TBCD: variants seen among roughly 807,000 people sequenced by gnomAD.
TBCD encodes the protein tubulin-specific chaperone D.
Under a neutral mutation model 169.3 loss-of-function variants are expected in TBCD, and 105 were observed. The ratio of observed to expected loss-of-function variants is 0.62; its 90% CI spans 0.53 to 0.73. The LOEUF (loss-of-function observed/expected upper bound fraction) is 0.73, where lower values mean the gene tolerates loss of function less well. TBCD is among the 30% of genes least tolerant of loss of function. The probability of loss-of-function intolerance (pLI) is 0.00; values close to 1 mark genes in which losing one functional copy is unlikely to be tolerated. For missense variants in TBCD, 1,444 were observed against 1,600.1 expected (o/e 0.90, Z 1.66); for synonymous variants, 700 against 643.9 (o/e 1.09, Z -1.32).
chr17:82,768,083 C>T (rs2048113005), intron 4 of TBCD, among the ~76,000 whole-genome samples: 1 of 152,030 alleles, frequency 6.6e-6, no homozygotes. Context: ...TACTTTTTAT[C>T]TGTTTTTCAC....
chr17:82,801,482 T>TGTC (rs2050518463), intron 9 of TBCD, among the ~76,000 whole-genome samples: 5 of 113,074 alleles, frequency 4.4e-5, no homozygotes, highest in South Asian at 3.3e-4. Context: ...GCGGCGTGTG[T>TGTC]GTCGTGTGGC....
intron 7 of TBCD, among the ~76,000 whole-genome samples, chr17:82,786,339 C>G (rs925032296): frequency 3.9e-5 from 6 of 152,212 alleles, no homozygotes; most frequent in Non-Finnish European, 8.8e-5. Context: ...CAGGATGTGA[C>G]CAGAGCTGGT....
At chr17:82,917,615 G>A (rs1279409400) in intron 23 of TBCD, among the ~76,000 whole-genome samples, 2 of 152,240 alleles carry the variant, frequency 1.3e-5, no homozygotes, top group African/African-American at 4.8e-5. Flanking sequence ...GTTGGCTCTT[G>A]ACGGGAGGCG....
chr17:82,908,438 G>A, intron 21 of TBCD: 1 of 455,778 alleles, frequency 2.2e-6, no homozygotes, highest in South Asian at 1.6e-5. Flanking sequence ...TGACCCAGAG[G>A]TAAAGTATGA....
chr17:82,859,693 G>C, intron 13 of TBCD: 1 of 985,466 alleles, frequency 1.0e-6, no homozygotes, highest in Non-Finnish European at 1.2e-6. Context: ...TGGAGGCCAG[G>C]GCTTGCCCGC....
rs560277214 is a variant in TBCD at position 82,866,486 on chromosome 17, G to A, written c.1319-3738G>A. ...AGCTTCTAGGACTCCCGGGGATGCC[G>A]TCAGCAGCCAGGCCTTGGCAGCTGC... On this transcript the variant is annotated intron_variant, in intron 13 of 38. Coordinates refer to ENST00000355528, the MANE Select transcript of TBCD (RefSeq NM_005993.5). Among the ~76,000 whole-genome samples the A allele has an allele frequency of 1.1e-4, 17 of 152,370 alleles. 1 individual carries two copies. In the South Asian group the frequency reaches 1.2e-3, roughly 11 times the overall value.
chr17:82,889,528 C>G lies in TBCD; in HGVS notation c.1534-140C>G. 1 of 945,636 alleles carries G rather than the reference C, an allele frequency of 1.1e-6. No individual in the cohort carries two copies. Among genetic ancestry groups the G allele is most frequent in the Non-Finnish European group, 1.6e-6 (1 of 613,308 alleles). 58.6% of individuals were successfully genotyped at this position (945,636 alleles called of 1,614,324 possible). On this transcript the variant is annotated intron_variant, in intron 15 of 38. Coordinates refer to ENST00000355528, the MANE Select transcript of TBCD (RefSeq NM_005993.5). The surrounding 1 kb of genome is among the most constrained non-coding windows in gnomAD (Gnocchi z 5.3). ...AAACAGAGTGACGCACCTTGAGGCT[C>G]TGTTCAGCCAACAATGAGGGCTTTT... is the stretch of plus-strand genomic sequence containing the variant.
chr17:82,777,145 CTTA>C (rs936268453), intron 6 of TBCD, among the ~76,000 whole-genome samples: 7 of 152,052 alleles, frequency 4.6e-5, no homozygotes, highest in African/African-American at 1.4e-4. Flanking sequence ...AGCCTGCAGT[CTTA>C]TTAAGAGATT....
chr17:82,921,673 T>C, intron 25 of TBCD, 96 bp downstream of exon 25: 1 of 1,149,604 alleles, frequency 8.7e-7, no homozygotes, highest in Non-Finnish European at 1.3e-6. Flanking sequence ...ATCATGAGGC[T>C]GTCCCTGCAG....
intron 13 of TBCD, among the ~76,000 whole-genome samples, chr17:82,815,879 G>A (rs1200064780): frequency 6.6e-6 from 1 of 152,012 alleles, no homozygotes; most frequent in Non-Finnish European, 1.5e-5. Flanking sequence ...TTTTTTTCCA[G>A]ACTTCTTTAA....
At chr17:82,827,997 G>GCACA (rs944991552) in intron 13 of TBCD, among the ~76,000 whole-genome samples, 1 of 143,638 alleles carries the variant, frequency 7.0e-6, no homozygotes, top group Non-Finnish European at 1.5e-5. Context: ...CCAATCGAAC[G>GCACA]CACACACACC....
chr17:82,870,290 A>G lies in TBCD; in HGVS notation c.1385A>G (p.Asn462Ser), dbSNP rs376947064. 1.4e-5 allele frequency: 22 copies of G among 1,613,570 alleles called. No homozygotes were observed. The African/African-American group carries it at 1.6e-4, about 12-fold the overall frequency. Residue 462 changes from asparagine to serine, a missense_variant, in exon 14 of 39, where the codon AAC (asparagine) becomes AGC (serine). Coordinates refer to ENST00000355528, the MANE Select transcript of TBCD (RefSeq NM_005993.5). ...EKRGACSVGT[N>S]VRDAACYVCW... The stretch of plus-strand genomic sequence containing the variant: ...CGGGGTGCCTGCAGCGTGGGCACCA[A>G]CGTCAGGGACGCCGCCTGCTACGTG...
At position 82,898,895 on chromosome 17, in the gene TBCD, A is replaced by G. The variant is rs571839907; in HGVS notation, c.1650-1756A>G. Among the ~76,000 whole-genome samples the G allele has an allele frequency of 2.8e-4, 32 of 115,280 alleles. No individual in the cohort carries two copies. In the East Asian group the frequency reaches 8.4e-3, roughly 30 times the overall value. 75.6% of individuals were successfully genotyped at this position (115,280 alleles called of 152,430 possible). ...AGTGGACGGTTGTGGAGGGGCTGAC[A>G]GTGTGTCCACCTGCGTCACCTGCAT... On this transcript the variant is annotated intron_variant, in intron 17 of 38. Coordinates refer to ENST00000355528, the MANE Select transcript of TBCD (RefSeq NM_005993.5).
At chr17:82,937,162 T>TAA (rs1265849066) in intron 34 of TBCD, 109 bp from the exon 35 acceptor site, 8 of 974,950 alleles carry the variant, frequency 8.2e-6, no homozygotes, top group Non-Finnish European at 1.3e-5. Flanking sequence ...GCAGGCTTCT[T>TAA]GGACTGAGCC....
chr17:82,908,145 G>C (rs951491115), intron 21 of TBCD: 4 of 397,738 alleles, frequency 1.0e-5, no homozygotes, highest in African/African-American at 8.3e-5. Flanking sequence ...TGGAGGTTTC[G>C]GCTGCAGCTG....
intron 13 of TBCD, among the ~76,000 whole-genome samples, chr17:82,869,712 C>T (rs2057423882): frequency 6.6e-6 from 1 of 152,206 alleles, no homozygotes; most frequent in South Asian, 2.1e-4. Flanking sequence ...GCATTTTCAT[C>T]CTGGTTCACC....
At chr17:82,842,551 C>T (rs2054610223) in intron 13 of TBCD, among the ~76,000 whole-genome samples, 1 of 152,140 alleles carries the variant, frequency 6.6e-6, no homozygotes, top group Admixed American at 6.5e-5. Context: ...GCCTGCTGCT[C>T]GGATCCCATG....
chr17:82,753,158 T>C (rs781432665), intron 1 of TBCD, among the ~76,000 whole-genome samples: 3 of 152,184 alleles, frequency 2.0e-5, no homozygotes, highest in Non-Finnish European at 4.4e-5. Flanking sequence ...AGAAGAACTT[T>C]TGCATTATTT....
chr17:82,801,266 A>G (rs868705242), intron 9 of TBCD, among the ~76,000 whole-genome samples: 4 of 152,184 alleles, frequency 2.6e-5, no homozygotes, highest in South Asian at 2.1e-4. Flanking sequence ...TTTTGTGTCC[A>G]GTGGTGATGG....
Sources: gnomAD v4.1 joint callset for allele counts (sites outside exome capture counted in the v4.1 genomes callset) on GRCh38, gnomAD v4.1.1 for gene constraint, Gnocchi (gnomAD v3.1) non-coding constraint, MANE v1.5 for transcripts, NCBI Gene and HGNC (gene_info 2026-07-23, HGNC 2026-07-21) for gene names.